SNX13: variants seen among roughly 807,000 people sequenced by gnomAD.
SNX13 encodes the protein sorting nexin 13, also known as sorting nexin-13.
SNX13 carries 45 observed loss-of-function variants against 133.6 expected under a neutral mutation model. The observed-to-expected ratio is 0.34, with a 90% confidence interval of 0.27 to 0.43. The LOEUF (loss-of-function observed/expected upper bound fraction) is 0.43. Among genes scored for constraint, SNX13 ranks in the 20% least tolerant of loss-of-function variants. SNX13 has a pLI of 1.00. For synonymous variants in SNX13, 414 were observed against 373.9 expected, an observed-to-expected ratio of 1.11 and a Z score of -1.24; for missense variants, 1,032 against 1,145.1, an observed-to-expected ratio of 0.90 and a Z score of 1.43.
At chr7:17,919,330 C>G (rs1398706963) in intron 1 of SNX13, among the ~76,000 whole-genome samples, 1 of 152,080 alleles carries the variant, frequency 6.6e-6, no homozygotes, top group Non-Finnish European at 1.5e-5. Context: ...GTGTTCTCAC[C>G]ACCCTATTAT....
At chr7:17,928,256 A>G (rs1235569348) in intron 1 of SNX13, among the ~76,000 whole-genome samples, 1 of 152,194 alleles carries the variant, frequency 6.6e-6, no homozygotes, top group East Asian at 1.9e-4. Flanking sequence ...CCAGCTACTC[A>G]GACTGAGGCA....
rs143803187 is a variant in SNX13, at chr7:17,792,023, A to C, written c.*2022T>G. On this transcript the variant is annotated 3_prime_UTR_variant, in exon 26 of 26. Transcript: ENST00000428135. ...TTTTGAAAATTTGCAATATTACATG[A>C]CCTTTATTTCCCTAATTGATGGCCA... 9 of 152,238 alleles carry C rather than the reference A, an allele frequency of 5.9e-5. No homozygotes were observed. The highest frequency in any genetic ancestry group is 2.2e-4 in the African/African-American group (9 of 41,568). The allele number at this position is 152,238 out of a possible 1,614,324, so 9.4% of individuals were successfully genotyped here.
chr7:17,918,828 A>G (rs909014602), intron 1 of SNX13, among the ~76,000 whole-genome samples: 14 of 152,242 alleles, frequency 9.2e-5, no homozygotes, highest in Non-Finnish European at 2.1e-4. Flanking sequence ...TACTATTCAC[A>G]ATAGCAAAGG....
Position 17,793,991 on chromosome 7 carries a change from T to G in SNX13, c.*54A>C. 5 of 1,569,870 alleles carry G rather than the reference T, an allele frequency of 3.2e-6. No homozygotes were observed. Among genetic ancestry groups the G allele is most frequent in the Non-Finnish European group, 3.5e-6 (4 of 1,157,820 alleles). On this transcript the variant is annotated 3_prime_UTR_variant, in exon 26 of 26. Coordinates refer to ENST00000428135, the MANE Select transcript of SNX13 (RefSeq NM_015132.5). ...TATTTGAGTTAAGCCCCAGAAGATCTGTCCATACCATTAGTCCTGGACAAA... is the reference window on the plus strand; with the variant it reads ...TATTTGAGTTAAGCCCCAGAAGATCGGTCCATACCATTAGTCCTGGACAAA...
chr7:17,904,108 C>G (rs971637280), intron 1 of SNX13, among the ~76,000 whole-genome samples: 1 of 152,138 alleles, frequency 6.6e-6, no homozygotes, highest in African/African-American at 2.4e-5. Flanking sequence ...AATAATTTAT[C>G]TGGTGATATT....
intron 2 of SNX13, 73 bp downstream of exon 2, chr7:17,897,261 T>C: frequency 2.5e-6 from 2 of 795,762 alleles, no homozygotes; most frequent in Non-Finnish European, 3.6e-6. Flanking sequence ...CATACTCCCG[T>C]TTCTCAGTCA....
intron 1 of SNX13, among the ~76,000 whole-genome samples, chr7:17,931,160 C>A (rs1409573570): frequency 2.0e-5 from 3 of 151,240 alleles, no homozygotes; most frequent in African/African-American, 7.3e-5. Context: ...GTAATTAATA[C>A]CACATGTAAA....
intron 8 of SNX13, among the ~76,000 whole-genome samples, chr7:17,868,751 T>C (rs1793702354): frequency 6.6e-6 from 1 of 152,126 alleles, no homozygotes; most frequent in Non-Finnish European, 1.5e-5. Context: ...ATACCTCTAG[T>C]ATGTTAGCAT....
chr7:17,857,100 T>G (rs1179182009), intron 9 of SNX13, among the ~76,000 whole-genome samples: 1 of 152,072 alleles, frequency 6.6e-6, no homozygotes, highest in African/African-American at 2.4e-5. Flanking sequence ...TCAGAGACCA[T>G]TATAAATAAT....
At chr7:17,853,776 T>G (rs1791531292) in intron 9 of SNX13, among the ~76,000 whole-genome samples, 1 of 151,974 alleles carries the variant, frequency 6.6e-6, no homozygotes, top group Non-Finnish European at 1.5e-5. Flanking sequence ...ACCCCGTCTC[T>G]ACTAAAAATA....
chr7:17,811,840 C>A (rs778193711), intron 20 of SNX13, among the ~76,000 whole-genome samples: 6 of 152,072 alleles, frequency 3.9e-5, no homozygotes, highest in Non-Finnish European at 7.4e-5. Context: ...AGAAATGACG[C>A]CATACATCTA....
chr7:17,848,294 C>T (rs73081356), intron 11 of SNX13, among the ~76,000 whole-genome samples: 2,798 of 152,310 alleles, frequency 0.018, 47 homozygotes, highest in Non-Finnish European at 0.028. Context: ...CTGAGAACCA[C>T]TTTCATCGGC....
At chr7:17,881,462 T>C (rs1795335417) in intron 5 of SNX13, 1 of 152,138 alleles carries the variant, frequency 6.6e-6, no homozygotes, top group Admixed American at 6.5e-5. Context: ...AAGGTCTTTA[T>C]CTTCTATGTA....
chr7:17,809,053 G>A (rs535399300), intron 20 of SNX13, among the ~76,000 whole-genome samples: 5 of 152,020 alleles, frequency 3.3e-5, no homozygotes, highest in East Asian at 1.9e-4. Flanking sequence ...ATTAACTAAC[G>A]AGCAAAATAA....
At chr7:17,803,017 A>G (rs150994076) in intron 21 of SNX13, among the ~76,000 whole-genome samples, 235 of 152,280 alleles carry the variant, frequency 1.5e-3, no homozygotes, top group African/African-American at 5.2e-3. Flanking sequence ...CTATCATGTA[A>G]ATCAGGAGAA....
intron 18 of SNX13, among the ~76,000 whole-genome samples, chr7:17,817,627 G>T (rs1395631786): frequency 2.0e-5 from 3 of 152,084 alleles, no homozygotes; most frequent in Admixed American, 1.3e-4. Flanking sequence ...AGTATTGGGA[G>T]GAAAACCAAT....
At position 17,897,446 on chromosome 7, in the gene SNX13, C is replaced by T; in HGVS notation, c.13G>A (p.Ala5Thr). 1.3e-6 allele frequency: 2 copies of T among 1,532,108 alleles called. No homozygotes were observed. Among genetic ancestry groups the T allele is most frequent in the Non-Finnish European group, 1.8e-6 (2 of 1,130,522 alleles). The allele number at this position is 1,532,108 out of a possible 1,614,324, so 94.9% of individuals were successfully genotyped here. A position where few individuals can be genotyped will look rare whatever the true frequency, so the allele number is the denominator to read the frequency against. The change falls in exon 2 of 26, where the codon GCC (alanine) becomes ACC (threonine). Residue 5 changes from alanine to threonine, a missense_variant and splice_region_variant. Ala to Thr is a moderately conservative substitution (Grantham distance 58). Transcript: ENST00000428135. MLTE[A>T]SLSIWGWGSL... The stretch of plus-strand genomic sequence containing the variant: ...CCCCATCCCCATATGGATAGACTGG[C>T]CTGAAATACAGAAAAAATATAAGTA...
At chr7:17,854,549 T>C (rs1344965952) in intron 9 of SNX13, among the ~76,000 whole-genome samples, 2 of 152,214 alleles carry the variant, frequency 1.3e-5, no homozygotes, top group Non-Finnish European at 2.9e-5. Context: ...CATGTGCCCA[T>C]GTCATGTGCA....
At chr7:17,809,980 GA>G (rs1231352737) in intron 20 of SNX13, among the ~76,000 whole-genome samples, 1 of 152,064 alleles carries the variant, frequency 6.6e-6, no homozygotes, top group Non-Finnish European at 1.5e-5. Flanking sequence ...GCGTTTAGAG[GA>G]AAATTTATAG....
Sources: gnomAD v4.1 joint callset for allele counts (sites outside exome capture counted in the v4.1 genomes callset) on GRCh38, gnomAD v4.1.1 for gene constraint, MANE v1.5 for transcripts, NCBI Gene and HGNC (gene_info 2026-07-23, HGNC 2026-07-21) for gene names.